Variants in SATL1 observed in about 807,000 individuals in gnomAD.
SATL1 encodes the protein spermidine/spermine N(1)-acetyltransferase-like protein 1.
SATL1 carries 47 observed loss-of-function variants against 51.8 expected under a neutral mutation model. The ratio of observed to expected loss-of-function variants is 0.91; its 90% CI spans 0.72 to 1.16. The LOEUF (loss-of-function observed/expected upper bound fraction) is 1.16, where lower values mean the gene tolerates loss of function less well. SATL1 is among the 50% of genes most tolerant of loss of function. SATL1 has a pLI of 0.00. For missense variants in SATL1, 520 were observed against 526.4 expected (o/e 0.99, Z 0.12); for synonymous variants, 176 against 182.4 (o/e 0.97, Z 0.28).
chrX:85,121,384 T>C (rs1325108777), intron 2 of SATL1, among the ~76,000 whole-genome samples: 2 of 104,401 alleles, frequency 1.9e-5, no homozygotes, highest in African/African-American at 6.8e-5. Flanking sequence ...TATATAAATA[T>C]ATACTATATA....
chrX:85,138,162 C>CT (rs1226290108), intron 2 of SATL1, among the ~76,000 whole-genome samples: 11 of 112,580 alleles, frequency 9.8e-5, no homozygotes, highest in Non-Finnish European at 2.1e-4. Context: ...GGTTCTGGTG[C>CT]TTTGTCTCTT....
chrX:85,179,125 G>T (rs1927146379), intron 2 of SATL1, among the ~76,000 whole-genome samples: 2 of 111,874 alleles, frequency 1.8e-5, no homozygotes, highest in South Asian at 7.4e-4. Flanking sequence ...CAGATTTTTA[G>T]AATTTTCATT....
At chrX:85,115,938 G>T (rs1276827300) in intron 2 of SATL1, among the ~76,000 whole-genome samples, 2 of 111,088 alleles carry the variant, frequency 1.8e-5, no homozygotes, top group Non-Finnish European at 3.8e-5. Flanking sequence ...GATCAGCCAG[G>T]GGGAGCAGAG....
chrX:85,125,519 AGT>A (rs72067285), intron 2 of SATL1, among the ~76,000 whole-genome samples: 10,470 of 98,476 alleles, frequency 0.11, 923 homozygotes, highest in African/African-American at 0.28. Flanking sequence ...CACATAGGAA[AGT>A]GTGTGTGTGT....
chrX:85,165,825 A>T (rs921958397), intron 2 of SATL1, among the ~76,000 whole-genome samples: 6 of 111,785 alleles, frequency 5.4e-5, no homozygotes, highest in African/African-American at 2.0e-4. Flanking sequence ...CCAAAGCAAG[A>T]CTAAACAAAA....
intron 2 of SATL1, among the ~76,000 whole-genome samples, chrX:85,208,441 G>C (rs966987642): frequency 1.8e-5 from 2 of 111,485 alleles, no homozygotes; most frequent in African/African-American, 3.3e-5. Context: ...GGGCCAAACG[G>C]TAATTCTAGT....
At chrX:85,212,486 A>C (rs1206653228) in intron 2 of SATL1, among the ~76,000 whole-genome samples, 6 of 111,642 alleles carry the variant, frequency 5.4e-5, no homozygotes, top group Non-Finnish European at 1.1e-4. Flanking sequence ...GAACTGTTTC[A>C]TTATTTCAGT....
At chrX:85,144,951 T>G (rs1926195088) in intron 2 of SATL1, among the ~76,000 whole-genome samples, 1 of 110,487 alleles carries the variant, frequency 9.1e-6, no homozygotes, top group African/African-American at 3.3e-5. Context: ...GTGGGAGGAT[T>G]ACTTGAGTCT....
At chrX:85,107,263 G>T in intron 3 of SATL1, 65 bp downstream of exon 3, 7 of 961,768 alleles carry the variant, frequency 7.3e-6, no homozygotes, top group Middle Eastern at 3.1e-4. Context: ...CCCCAACTAT[G>T]CCTCCCTTAC....
At chrX:85,189,326 T>C (rs1927384223) in intron 2 of SATL1, among the ~76,000 whole-genome samples, 1 of 111,659 alleles carries the variant, frequency 9.0e-6, no homozygotes, top group Non-Finnish European at 1.9e-5. Flanking sequence ...TCCCTGGTTA[T>C]ATGAGCATGA....
chrX:85,228,486 A>C (rs1157046962), intron 1 of SATL1, among the ~76,000 whole-genome samples: 1 of 111,470 alleles, frequency 9.0e-6, no homozygotes, highest in Non-Finnish European at 1.9e-5. Flanking sequence ...CTTTAGAAGA[A>C]AATCCCTCAA....
At chrX:85,133,120 C>G (rs1419038802) in intron 2 of SATL1, among the ~76,000 whole-genome samples, 1 of 112,139 alleles carries the variant, frequency 8.9e-6, no homozygotes, top group Non-Finnish European at 1.9e-5. Flanking sequence ...GTCAGGGACC[C>G]ACTTGAGGAG....
chrX:85,119,977 A>G (rs975346401), intron 2 of SATL1, among the ~76,000 whole-genome samples: 3 of 112,361 alleles, frequency 2.7e-5, no homozygotes, highest in African/African-American at 9.7e-5. Flanking sequence ...AATTCAGCAT[A>G]TATTTATGAA....
At chrX:85,134,479 G>T (rs1925900445) in intron 2 of SATL1, among the ~76,000 whole-genome samples, 1 of 111,408 alleles carries the variant, frequency 9.0e-6, no homozygotes, top group Admixed American at 9.6e-5. Flanking sequence ...AAAATGAATA[G>T]ACAAATCTCT....
Position 85,150,601 on chromosome X carries a change from A to G in SATL1, c.-312-41321T>C, listed in dbSNP as rs1268188605. Among the ~76,000 whole-genome samples, 3 of 111,801 alleles carry G rather than the reference A, an allele frequency of 2.7e-5. No homozygotes were observed. The Admixed American group carries it at 2.9e-4, about 11-fold the overall frequency. ...GGCAAACTGAATCCAGCAGCTCATC[A>G]AGAAGCTTATCCACCATGATCAAGT... On this transcript the variant is annotated intron_variant, in intron 2 of 7. Transcript: ENST00000644105.
At chrX:85,139,099 A>G (rs894073290) in intron 2 of SATL1, among the ~76,000 whole-genome samples, 3 of 111,499 alleles carry the variant, frequency 2.7e-5, no homozygotes, top group Admixed American at 1.9e-4. Flanking sequence ...TTTGCTGACC[A>G]CCATCATAAG....
At chrX:85,217,747 AT>A (rs1928079682) in intron 2 of SATL1, among the ~76,000 whole-genome samples, 1 of 111,553 alleles carries the variant, frequency 9.0e-6, no homozygotes, top group Non-Finnish European at 1.9e-5. Flanking sequence ...CTCTATAGAT[AT>A]TTGATACTTA....
At chrX:85,127,810 G>C (rs921689984) in intron 2 of SATL1, among the ~76,000 whole-genome samples, 1 of 109,459 alleles carries the variant, frequency 9.1e-6, no homozygotes, top group African/African-American at 3.3e-5. Flanking sequence ...CCCACCCCAC[G>C]ACAGGCCCCA....
intron 2 of SATL1, among the ~76,000 whole-genome samples, chrX:85,146,851 G>A (rs941269892): frequency 4.4e-5 from 5 of 112,529 alleles, no homozygotes; most frequent in South Asian, 3.7e-4. Flanking sequence ...CAAGATGGCC[G>A]AATAGGAACA....
Sources: gnomAD v4.1 joint callset for allele counts (sites outside exome capture counted in the v4.1 genomes callset) on GRCh38, gnomAD v4.1.1 for gene constraint, MANE v1.5 for transcripts, NCBI Gene and HGNC (gene_info 2026-07-23, HGNC 2026-07-21) for gene names.